TNFAIP8L1: variants seen among roughly 807,000 people sequenced by gnomAD.
TNFAIP8L1 encodes the protein TNF alpha induced protein 8 like 1.
For synonymous variants in TNFAIP8L1, 127 were observed against 125.6 expected, an observed-to-expected ratio of 1.01 and a Z score of -0.08; for missense variants, 225 against 266.1, an observed-to-expected ratio of 0.85 and a Z score of 1.08.
In TNFAIP8L1 at chr19:4,654,501, C is replaced by A. The variant is rs1034229172; in HGVS notation, c.*2071C>A. The stretch of plus-strand genomic sequence containing the variant: ...GGACTACAGGTGTGCACGAGCACAC[C>A]CGGCTAATCTTTGTATTTTTTGTAG... On this transcript the variant is annotated 3_prime_UTR_variant, in exon 2 of 2. Transcript: ENST00000327473. The A allele has an allele frequency of 1.7e-4, 26 of 152,052 alleles. No individual in the cohort carries two copies. Among genetic ancestry groups the A allele is most frequent in the Non-Finnish European group, 5.9e-5 (4 of 68,012 alleles). 9.4% of individuals were successfully genotyped at this position (152,052 alleles called of 1,614,324 possible).
chr19:4,647,205 G>A (rs536117255), intron 1 of TNFAIP8L1, among the ~76,000 whole-genome samples: 10 of 152,338 alleles, frequency 6.6e-5, no homozygotes, highest in Admixed American at 3.9e-4. Flanking sequence ...AAGTGTTTGC[G>A]TGGTGTATGC....
At chr19:4,644,353 A>G (rs1257669521) in intron 1 of TNFAIP8L1, among the ~76,000 whole-genome samples, 1 of 151,200 alleles carries the variant, frequency 6.6e-6, no homozygotes, top group Non-Finnish European at 1.5e-5. Flanking sequence ...TAGCCTGGGC[A>G]ACATAGCAAG....
At chr19:4,649,592 C>T (rs1161627732) in intron 1 of TNFAIP8L1, among the ~76,000 whole-genome samples, 1 of 152,176 alleles carries the variant, frequency 6.6e-6, no homozygotes, top group Non-Finnish European at 1.5e-5. Context: ...CGTTGAGAGC[C>T]AGTGGTTACT....
At chr19:4,646,364 T>A (rs988982701) in intron 1 of TNFAIP8L1, among the ~76,000 whole-genome samples, 4 of 151,596 alleles carry the variant, frequency 2.6e-5, no homozygotes, top group Admixed American at 6.6e-5. Flanking sequence ...TGGCCTCAAT[T>A]GATCCTCCTC....
At position 4,655,035 on chromosome 19, in the gene TNFAIP8L1, C is replaced by T. The variant is rs913394972; in HGVS notation, c.*2605C>T. 2 of 152,214 alleles carry T rather than the reference C, an allele frequency of 1.3e-5. No homozygotes were observed. The highest frequency in any genetic ancestry group is 2.9e-5 in the Non-Finnish European group (2 of 68,048). The allele number at this position is 152,214 out of a possible 1,614,324, so 9.4% of individuals were successfully genotyped here. ...ATTTGGAATTTGTCTGCATTTAAAA[C>T]CAAGAGATCACACACACCTGTCTGG... On this transcript the variant is annotated 3_prime_UTR_variant, in exon 2 of 2. Transcript: ENST00000327473.
intron 1 of TNFAIP8L1, among the ~76,000 whole-genome samples, chr19:4,643,475 A>C (rs1050887124): frequency 8.5e-5 from 13 of 152,158 alleles, no homozygotes; most frequent in African/African-American, 2.9e-4. Context: ...CTCCAGTGGA[A>C]ATCTGGCCAC....
At position 4,652,103 on chromosome 19, in the gene TNFAIP8L1, G is replaced by T. The variant is rs138423907; in HGVS notation, c.234G>T (p.Gln78His). 8 of 1,594,688 alleles carry T rather than the reference G, an allele frequency of 5.0e-6. No individual in the cohort carries two copies. The highest frequency in any genetic ancestry group is 6.8e-6 in the Non-Finnish European group (8 of 1,170,994). Reference sequence around the variant, plus strand: ...TGGGACTGCTGCTGCGTGGGGACCAGCTGGGCGGTGAGGAGCTGGCGCTGC... The same window carrying T: ...TGGGACTGCTGCTGCGTGGGGACCATCTGGGCGGTGAGGAGCTGGCGCTGC... ...LKLGLLLRGD[Q>H]LGGEELALLR... The change falls in exon 2 of 2, where the codon CAG (glutamine) becomes CAT (histidine). Residue 78 changes from glutamine (Q) to histidine (H), a missense_variant. Transcript: ENST00000327473.
At chr19:4,647,185 C>T (rs1206589996) in intron 1 of TNFAIP8L1, among the ~76,000 whole-genome samples, 5 of 152,212 alleles carry the variant, frequency 3.3e-5, no homozygotes, top group Admixed American at 3.3e-4. Context: ...TAAACTGTGA[C>T]GTGCAAAACA....
At position 4,644,090 on chromosome 19, in the gene TNFAIP8L1, G is replaced by A. The variant is rs903684987; in HGVS notation, c.-4+4461G>A. The stretch of plus-strand genomic sequence containing the variant: ...TACAAAATTAACCGGGCGTGGTGGC[G>A]CATGCCTGTAATCCCAGCTACTTGG... On this transcript the variant is annotated intron_variant, in intron 1 of 1. Transcript: ENST00000327473. Among the ~76,000 whole-genome samples, 14 of 147,546 alleles carry A rather than the reference G, an allele frequency of 9.5e-5. No homozygotes were observed. In the East Asian group the frequency reaches 1.2e-3, roughly 13 times the overall value.
intron 1 of TNFAIP8L1, 137 bp downstream of exon 1, chr19:4,639,766 GTCTC>G (rs3070718): frequency 0.013 from 2,015 of 152,572 alleles, 52 homozygotes; most frequent in African/African-American, 0.046. Flanking sequence ...GTTTCCGTCT[GTCTC>G]TCTGTCACTC....
In TNFAIP8L1 at chr19:4,652,106, G is replaced by A. The variant is rs1242739873; in HGVS notation, c.237G>A (p.Leu79=). 1 of 1,593,154 alleles carries A rather than the reference G, an allele frequency of 6.3e-7. No homozygotes were observed. Among genetic ancestry groups the A allele is most frequent in the Admixed American group, 1.8e-5 (1 of 56,634 alleles). The change falls in exon 2 of 2, where the codon CTG becomes CTA. Residue 79 remains leucine, a synonymous_variant. Coordinates refer to ENST00000327473, the MANE Select transcript of TNFAIP8L1 (RefSeq NM_152362.3). ...KLGLLLRGDQ[L]GGEELALLRR... ...GACTGCTGCTGCGTGGGGACCAGCT[G>A]GGCGGTGAGGAGCTGGCGCTGCTGC...
chr19:4,647,673 G>T (rs1305506231), intron 1 of TNFAIP8L1, among the ~76,000 whole-genome samples: 1 of 144,884 alleles, frequency 6.9e-6, no homozygotes. Flanking sequence ...TCAGGCTGGA[G>T]TGCAGTGGTG....
intron 1 of TNFAIP8L1, among the ~76,000 whole-genome samples, chr19:4,647,306 G>GT (rs1283988438): frequency 6.6e-6 from 1 of 151,920 alleles, no homozygotes; most frequent in African/African-American, 2.4e-5. Flanking sequence ...GTCGGACTGG[G>GT]TTTTTTTGTT....
rs527849274 is a variant in TNFAIP8L1 at position 4,654,477 on chromosome 19, G to A, written c.*2047G>A. 1 of 152,300 alleles carries A rather than the reference G, an allele frequency of 6.6e-6. No individual in the cohort carries two copies. The highest frequency in any genetic ancestry group is 1.9e-4 in the East Asian group (1 of 5,186). The allele number at this position is 152,300 out of a possible 1,614,324, so 9.4% of individuals were successfully genotyped here. Reference sequence around the variant, plus strand: ...TCCCACCTCAGCCCCGGGTAGCTGGGACTACAGGTGTGCACGAGCACACCC... The same window carrying A: ...TCCCACCTCAGCCCCGGGTAGCTGGAACTACAGGTGTGCACGAGCACACCC... On this transcript the variant is annotated 3_prime_UTR_variant, in exon 2 of 2. Transcript: ENST00000327473.
intron 1 of TNFAIP8L1, among the ~76,000 whole-genome samples, chr19:4,642,976 G>C (rs372087682): frequency 6.6e-6 from 1 of 151,922 alleles, no homozygotes; most frequent in Non-Finnish European, 1.5e-5. Context: ...GAGGCTGTGG[G>C]GGAGATAAGA....
At chr19:4,647,319 G>GT (rs1309233428) in intron 1 of TNFAIP8L1, among the ~76,000 whole-genome samples, 2 of 151,914 alleles carry the variant, frequency 1.3e-5, no homozygotes, top group Admixed American at 6.6e-5. Flanking sequence ...TTTTTGTTTT[G>GT]TTTTTTGTTT....
intron 1 of TNFAIP8L1, chr19:4,640,813 TAAC>T (rs1401585429): frequency 1.3e-5 from 2 of 152,312 alleles, no homozygotes; most frequent in African/African-American, 4.8e-5. Flanking sequence ...CTTTGAAACA[TAAC>T]AAGCTCCCTG....
At chr19:4,647,455 C>A (rs1452196292) in intron 1 of TNFAIP8L1, among the ~76,000 whole-genome samples, 5 of 151,934 alleles carry the variant, frequency 3.3e-5, no homozygotes, top group African/African-American at 1.2e-4. Flanking sequence ...ATTACAGGTG[C>A]CTGCCACCAT....
At chr19:4,643,763 C>T (rs1445947190) in intron 1 of TNFAIP8L1, among the ~76,000 whole-genome samples, 1 of 152,096 alleles carries the variant, frequency 6.6e-6, no homozygotes, top group African/African-American at 2.4e-5. Flanking sequence ...GGCAAAACCC[C>T]ATCTCTACTA....
Sources: allele counts gnomAD v4.1 joint callset (sites outside exome capture counted in the v4.1 genomes callset), GRCh38; gene constraint gnomAD v4.1.1; transcripts MANE v1.5; gene names NCBI Gene and HGNC (gene_info 2026-07-23, HGNC 2026-07-21).